NAV1: variants seen among roughly 807,000 people sequenced by gnomAD.
NAV1 encodes the protein neuron navigator 1, also known as pore membrane and/or filament interacting like protein 3.
A neutral mutation model predicts 175.2 loss-of-function variants in NAV1; 18 were observed. That is an observed-to-expected ratio of 0.10 (90% confidence interval 0.07 to 0.15). NAV1 has a LOEUF of 0.15. Among genes scored for constraint, NAV1 ranks in the 10% least tolerant of loss-of-function variants. The pLI is 1.00. For missense variants in NAV1, 1,731 were observed against 2,436.6 expected, an observed-to-expected ratio of 0.71 and a Z score of 6.10; for synonymous variants, 897 against 978.7, an observed-to-expected ratio of 0.92 and a Z score of 1.56.
intron 1 of NAV1, among the ~76,000 whole-genome samples, chr1:201,665,803 G>A (rs1558049887): frequency 6.6e-6 from 1 of 151,710 alleles, no homozygotes; most frequent in Admixed American, 6.6e-5. Flanking sequence ...CTGCTGCTTG[G>A]AGTTTTTCTA....
Position 201,803,699 on chromosome 1 carries a change from G to GA in NAV1, c.3632dup (p.Ser1212GlufsTer5). ...GCAAGGATGCTGATGCGAAAAAGAA[G>GA]AAAAAAAAGAGTTGGGTAGGTAAAG... On this transcript the variant is annotated frameshift_variant, in exon 16 of 30. Transcript: ENST00000367296. LOFTEE classifies it high-confidence loss of function. The GA allele has an allele frequency of 2.5e-6, 4 of 1,591,062 alleles. No individual in the cohort carries two copies. Among genetic ancestry groups the GA allele is most frequent in the Non-Finnish European group, 3.4e-6 (4 of 1,173,064 alleles).
In NAV1 at chr1:201,723,241, T is replaced by C. The variant is rs138717563; in HGVS notation, c.1226+4486T>C. On this transcript the variant is annotated intron_variant, in intron 3 of 29. Coordinates refer to ENST00000367296, the Ensembl canonical transcript of NAV1. ...TATTTGTACATCTTCTTTGGAGAGATATCTATTCAAGTCCTTTGCCCATTT... is the reference window on the plus strand; with the variant it reads ...TATTTGTACATCTTCTTTGGAGAGACATCTATTCAAGTCCTTTGCCCATTT... 3 of 152,374 alleles carry C rather than the reference T, an allele frequency of 2.0e-5. No individual in the cohort carries two copies. The East Asian group carries it at 5.8e-4, about 29-fold the overall frequency. 9.4% of individuals were successfully genotyped at this position (152,374 alleles called of 1,614,324 possible). A position where few individuals can be genotyped will look rare whatever the true frequency, so the allele number is the denominator to read the frequency against.
intron 1 of NAV1, among the ~76,000 whole-genome samples, chr1:201,585,476 A>C (rs879558202): frequency 6.6e-6 from 1 of 152,196 alleles, no homozygotes; most frequent in Non-Finnish European, 1.5e-5. Flanking sequence ...GACTTCAACA[A>C]AATTAAAAAC....
At chr1:201,655,784 G>T (rs972110998) in intron 1 of NAV1, among the ~76,000 whole-genome samples, 1 of 152,234 alleles carries the variant, frequency 6.6e-6, no homozygotes, top group Non-Finnish European at 1.5e-5. Context: ...GCACAGCAGC[G>T]TGTGCCTGGG....
At chr1:201,817,327 G>T (rs1173031686) in intron 29 of NAV1, 42 bp downstream of exon 33, 1 of 1,577,476 alleles carries the variant, frequency 6.3e-7, no homozygotes, top group Non-Finnish European at 8.7e-7. Flanking sequence ...GACTATTATA[G>T]AACTGAATTA....
chr1:201,653,902 C>T (rs1053881692), intron 1 of NAV1, among the ~76,000 whole-genome samples: 2 of 152,202 alleles, frequency 1.3e-5, no homozygotes, highest in East Asian at 3.9e-4. Context: ...AGGCCTCCTG[C>T]CTTCCTCCAG....
At chr1:201,574,740 C>T (rs1005353005) in intron 1 of NAV1, among the ~76,000 whole-genome samples, 8 of 152,166 alleles carry the variant, frequency 5.3e-5, no homozygotes, top group Admixed American at 1.3e-4. Flanking sequence ...GCCACCATTG[C>T]GCCTCCTACC....
At chr1:201,661,422 CTT>C (rs1669611653) in intron 1 of NAV1, among the ~76,000 whole-genome samples, 1 of 152,170 alleles carries the variant, frequency 6.6e-6, no homozygotes, top group Non-Finnish European at 1.5e-5. Flanking sequence ...AGCCCTGGAG[CTT>C]CAAGAAGAGC....
intron 1 of NAV1, among the ~76,000 whole-genome samples, chr1:201,624,650 A>G (rs1036858422): frequency 2.0e-5 from 3 of 152,074 alleles, no homozygotes; most frequent in Non-Finnish European, 2.9e-5. Flanking sequence ...CCAGCAAACT[A>G]TGCTTTTTTT....
chr1:201,711,465 C>G (rs946146999), intron 1 of NAV1, among the ~76,000 whole-genome samples: 4 of 152,240 alleles, frequency 2.6e-5, no homozygotes, highest in Admixed American at 2.0e-4. Context: ...GAATAAAAAC[C>G]TCTTGAAGAG....
intron 1 of NAV1, among the ~76,000 whole-genome samples, chr1:201,697,504 C>T (rs964586576): frequency 6.6e-6 from 1 of 152,178 alleles, no homozygotes; most frequent in Non-Finnish European, 1.5e-5. Context: ...TCAACCTTTT[C>T]CTCTTTATCC....
chr1:201,782,552 T>G lies in NAV1; in HGVS notation c.2040T>G (p.Ser680Arg). ...GCCTGCCCCGGCCAGCCAAGTCAAGTTCTATGAGCGTGACCGGCGGGCGGG... is the reference window on the plus strand; with the variant it reads ...GCCTGCCCCGGCCAGCCAAGTCAAGGTCTATGAGCGTGACCGGCGGGCGGG... Residue 680 changes from serine (S) to arginine (R), a missense_variant, in exon 6 of 30, where the codon AGT (serine) becomes AGG (arginine). Around this residue, in one of 13 missense-constraint regions of NAV1, gnomAD observed 634 missense variants for 766.8 expected, o/e 0.83. Coordinates refer to ENST00000367296, the Ensembl canonical transcript of NAV1. The surrounding 1 kb of genome is among the most constrained non-coding windows in gnomAD (Gnocchi z 5.4). 1 of 1,611,776 alleles carries G rather than the reference T, an allele frequency of 6.2e-7. No homozygotes were observed. The highest frequency in any genetic ancestry group is 1.3e-5 in the African/African-American group (1 of 74,948).
chr1:201,737,915 G>GA (rs1275267167), intron 3 of NAV1, among the ~76,000 whole-genome samples: 1 of 152,160 alleles, frequency 6.6e-6, no homozygotes, highest in East Asian at 1.9e-4. Flanking sequence ...CTGTTCCCCA[G>GA]ATGACCCAGG....
At chr1:201,793,908 G>A in intron 14 of NAV1, 33 bp downstream of exon 18, 2 of 492,382 alleles carry the variant, frequency 4.1e-6, no homozygotes, top group Non-Finnish European at 4.1e-6. Flanking sequence ...GGAGGGGTGG[G>A]TGCGGCGAGG....
chr1:201,648,409 C>T (rs982599198), exon 1 of NAV1: 1 of 1,229,516 alleles, frequency 8.1e-7, no homozygotes, highest in African/African-American at 1.6e-5. Flanking sequence ...TTCCTCCGAC[C>T]CCGCCCTATC....
chr1:201,793,444 T>C, intron 13 of NAV1: 1 of 215,202 alleles, frequency 4.6e-6, no homozygotes, highest in Non-Finnish European at 9.5e-6. Context: ...CCCCAGAGGC[T>C]ATGGCCCGCC....
chr1:201,607,599 C>A (rs1320175091), intron 2 of NAV1, among the ~76,000 whole-genome samples: 1 of 152,036 alleles, frequency 6.6e-6, no homozygotes, highest in Non-Finnish European at 1.5e-5. Context: ...TCAAGCAATT[C>A]TCCCACCTCA....
chr1:201,605,198 A>G (rs1667641130), intron 2 of NAV1, among the ~76,000 whole-genome samples: 3 of 139,720 alleles, frequency 2.1e-5, no homozygotes. Flanking sequence ...TGTTGCCCCT[A>G]GGGTGTTTCT....
At chr1:201,560,234 G>T (rs565266482) in intron 1 of NAV1, among the ~76,000 whole-genome samples, 14 of 152,284 alleles carry the variant, frequency 9.2e-5, no homozygotes, top group Non-Finnish European at 2.1e-4. Context: ...TTTTCAGGAT[G>T]TAAAACCCAT....
Sources: allele counts gnomAD v4.1 joint callset (sites outside exome capture counted in the v4.1 genomes callset), GRCh38; gene constraint gnomAD v4.1.1; regional missense constraint gnomAD v4.1.1; non-coding constraint Gnocchi (gnomAD v3.1); transcripts MANE v1.5; gene names NCBI Gene and HGNC (gene_info 2026-07-23, HGNC 2026-07-21).